NUTM1: variants seen among roughly 807,000 people sequenced by gnomAD.
NUTM1 encodes the protein NUT family member 1.
Under a neutral mutation model 88.7 loss-of-function variants are expected in NUTM1, and 39 were observed. That is an observed-to-expected ratio of 0.44 (90% CI 0.34 to 0.57). The LOEUF (loss-of-function observed/expected upper bound fraction) is 0.57. NUTM1 is among the 20% of genes least tolerant of loss of function. The probability of loss-of-function intolerance (pLI) is 0.01; values close to 1 mark genes in which losing one functional copy is unlikely to be tolerated. For missense variants in NUTM1, 1,350 were observed against 1,414.5 expected, an observed-to-expected ratio of 0.95 and a Z score of 0.73; for synonymous variants, 494 against 538.0, an observed-to-expected ratio of 0.92 and a Z score of 1.13.
intron 2 of NUTM1, among the ~76,000 whole-genome samples, chr15:34,347,009 C>G (rs150794292): frequency 5.6e-4 from 84 of 149,100 alleles, no homozygotes; most frequent in African/African-American, 2.0e-3. Context: ...TGCAGTCATT[C>G]TCAACGAGAA....
chr15:34,348,973 A>C (rs1219913959), intron 3 of NUTM1, among the ~76,000 whole-genome samples: 2 of 152,194 alleles, frequency 1.3e-5, no homozygotes, highest in African/African-American at 4.8e-5. Context: ...ACCAAGGACC[A>C]GTGATTGGAA....
chr15:34,350,827 A>T lies in NUTM1; in HGVS notation c.933A>T (p.Ala311=). ...ACCGGATGATCTTTTATGAGATGGC[A>T]GAAAGGTGAGTTCGATGAACCTTCA... The part of the protein sequence containing the change: ...NFDRMIFYEM[A]ERFMEFEAEE... Residue 311 remains alanine, a synonymous_variant, in exon 4 of 8, where the codon GCA becomes GCT. Transcript: ENST00000537011. 6.2e-7 allele frequency: 1 copy of T among 1,614,140 alleles called. No homozygotes were observed. Among genetic ancestry groups the T allele is most frequent in the Non-Finnish European group, 8.5e-7 (1 of 1,179,998 alleles).
In NUTM1 at chr15:34,356,402, G is replaced by C. The variant is rs1373518037; in HGVS notation, c.2394G>C (p.Leu798=). 2 of 1,611,472 alleles carry C rather than the reference G, an allele frequency of 1.2e-6. No homozygotes were observed. The highest frequency in any genetic ancestry group is 2.7e-5 in the African/African-American group (2 of 74,784). ...TGGGCTCCAGGGGCAACATTTCCCT[G>C]GGTCCTGGAGAAACCCTAGTACCTG... The part of the protein sequence containing the change: ...QGLGSRGNIS[L]GPGETLVPGD... Residue 798 remains leucine, a synonymous_variant, in exon 8 of 8, where the codon CTG becomes CTC. Coordinates refer to ENST00000537011, the MANE Select transcript of NUTM1 (RefSeq NM_001284292.2).
chr15:34,348,238 G>C lies in NUTM1; in HGVS notation c.370G>C (p.Gly124Arg). The C allele has an allele frequency of 6.2e-7, 1 of 1,614,224 alleles. No homozygotes were observed. The highest frequency in any genetic ancestry group is 2.2e-5 in the East Asian group (1 of 44,888). ...GGTCATTGTCAAAGTCAAGACAGAA[G>C]GGGGGTCAGCTGAGCCCTCTCAAAC... ...GKVIVKVKTE[G>R]GSAEPSQTQN... Residue 124 changes from glycine (G) to arginine (R), a missense_variant, in exon 3 of 8, where the codon GGG becomes CGG. Gly to Arg is a moderately radical substitution (Grantham distance 125). Coordinates refer to ENST00000537011, the MANE Select transcript of NUTM1 (RefSeq NM_001284292.2).
Position 34,355,621 on chromosome 15 carries a change from C to A in NUTM1, c.1613C>A (p.Pro538His). Residue 538 changes from proline (P) to histidine (H), a missense_variant, in exon 8 of 8, where the codon CCC becomes CAC. Pro to His is a moderately conservative substitution (Grantham distance 77). Coordinates refer to ENST00000537011, the MANE Select transcript of NUTM1 (RefSeq NM_001284292.2). The surrounding 1 kb of genome is among the most constrained non-coding windows in gnomAD (Gnocchi z 4.3). ...EDEDGDGRLR[P>H]SPGLQGAGGA... Reference sequence around the variant, plus strand: ...GAAGATGGGGATGGGCGGCTTCGGCCCTCACCTGGGCTTCAGGGGGCTGGG... The same window carrying A: ...GAAGATGGGGATGGGCGGCTTCGGCACTCACCTGGGCTTCAGGGGGCTGGG... The A allele has an allele frequency of 6.2e-7, 1 of 1,613,150 alleles. No homozygotes were observed. The highest frequency in any genetic ancestry group is 1.1e-5 in the South Asian group (1 of 90,952).
At chr15:34,344,446 T>A (rs559297635) in intron 1 of NUTM1, among the ~76,000 whole-genome samples, 1 of 136,136 alleles carries the variant, frequency 7.3e-6, no homozygotes, top group African/African-American at 2.9e-5. Context: ...GAGGTTGCAG[T>A]GAGCCAAGAT....
At chr15:34,350,974 T>G (rs1890695649) in intron 4 of NUTM1, 142 bp downstream of exon 4, 1 of 1,043,436 alleles carries the variant, frequency 9.6e-7, no homozygotes, top group African/African-American at 1.6e-5. Flanking sequence ...ATCCCACCAC[T>G]TTGGGAGGCC....
intron 1 of NUTM1, 30 bp from the exon 2 acceptor site, chr15:34,345,912 C>T (rs768833325): frequency 1.2e-6 from 2 of 1,612,948 alleles, no homozygotes; most frequent in Non-Finnish European, 1.7e-6. Context: ...CCTTCCCTTC[C>T]TTGGATCCCT....
Position 34,356,698 on chromosome 15 carries a change from T to C in NUTM1, c.2690T>C (p.Met897Thr), listed in dbSNP as rs377208485. 3.9e-5 allele frequency: 63 copies of C among 1,613,474 alleles called. No homozygotes were observed. The highest frequency in any genetic ancestry group is 5.1e-5 in the Non-Finnish European group (60 of 1,179,932). ...PPTCQGNLLIMGTEDASSLPE... is the reference protein window; with the variant it reads ...PPTCQGNLLITGTEDASSLPE... ...ACATGCCAAGGCAATCTCCTTATCATGGGGACTGAGGATGCCTCCTCCTTG... is the reference window on the plus strand; with the variant it reads ...ACATGCCAAGGCAATCTCCTTATCACGGGGACTGAGGATGCCTCCTCCTTG... The change falls in exon 8 of 8, where the codon ATG becomes ACG. Residue 897 changes from methionine to threonine, a missense_variant. Physicochemically the swap from Met to Thr is moderately conservative, Grantham distance 81. Around this residue, in one of 5 missense-constraint regions of NUTM1, gnomAD observed 730 missense variants for 728.8 expected, o/e 1.00. Coordinates refer to ENST00000537011, the MANE Select transcript of NUTM1 (RefSeq NM_001284292.2).
At chr15:34,352,118 C>T (rs1245676747) in intron 4 of NUTM1, among the ~76,000 whole-genome samples, 4 of 152,062 alleles carry the variant, frequency 2.6e-5, no homozygotes, top group African/African-American at 7.2e-5. Flanking sequence ...TGCGGTGAGC[C>T]GAGATTGTGC....
chr15:34,352,731 G>C (rs542183668), intron 4 of NUTM1, among the ~76,000 whole-genome samples: 1 of 150,214 alleles, frequency 6.7e-6, no homozygotes, highest in African/African-American at 2.4e-5. Context: ...ACTTGAACCC[G>C]GGAGGCAGAG....
In NUTM1 at chr15:34,351,897, G is replaced by A. The variant is rs913383681; in HGVS notation, c.938+1065G>A. On this transcript the variant is annotated intron_variant, in intron 4 of 7. Coordinates refer to ENST00000537011, the MANE Select transcript of NUTM1 (RefSeq NM_001284292.2). ...TAAAAAAAAAAAAAAAAGGCTAGGC[G>A]TGGTGGCTCCGCCTGTAATCCCAGC... Among the ~76,000 whole-genome samples the A allele has an allele frequency of 1.6e-4, 23 of 145,702 alleles. 1 individual carries two copies. Among genetic ancestry groups the A allele is most frequent in the Middle Eastern group, 3.7e-3 (1 of 272 alleles).
Position 34,357,587 on chromosome 15 carries a change from A to G in NUTM1, c.*96A>G, listed in dbSNP as rs1448577729. 6.2e-7 allele frequency: 1 copy of G among 1,600,256 alleles called. No homozygotes were observed. The highest frequency in any genetic ancestry group is 8.5e-7 in the Non-Finnish European group (1 of 1,177,574). ...TGCTGCCCACCAATGGAGAATCCCA[A>G]TGTTGAATCTCATCCCAATGTTGTT... On this transcript the variant is annotated 3_prime_UTR_variant, in exon 8 of 8. Transcript: ENST00000537011.
chr15:34,344,596 G>T (rs183604746), intron 1 of NUTM1, among the ~76,000 whole-genome samples: 1 of 152,030 alleles, frequency 6.6e-6, no homozygotes, highest in East Asian at 1.9e-4. Context: ...AGATGATACT[G>T]GTTTCCTCTG....
rs747104257 is a variant in NUTM1, at chr15:34,355,786, T to C, written c.1778T>C (p.Leu593Pro). The change falls in exon 8 of 8, where the codon CTG becomes CCG. Residue 593 changes from leucine to proline, a missense_variant. Around this residue, in one of 5 missense-constraint regions of NUTM1, gnomAD observed 730 missense variants for 728.8 expected, o/e 1.00. Transcript: ENST00000537011. The surrounding 1 kb of genome is among the most constrained non-coding windows in gnomAD (Gnocchi z 4.3). ...CTGCCATCCCCCAGCAGCTGGGACC[T>C]GCAGCCAGAACTTGCAGCTCCACAG... ...NTLPSPSSWDLQPELAAPQGT... is the reference protein window; with the variant it reads ...NTLPSPSSWDPQPELAAPQGT... 1.9e-6 allele frequency: 3 copies of C among 1,614,218 alleles called. No homozygotes were observed. Among genetic ancestry groups the C allele is most frequent in the Non-Finnish European group, 2.5e-6 (3 of 1,180,046 alleles).
At chr15:34,353,458 G>A (rs1352803757) in intron 4 of NUTM1, among the ~76,000 whole-genome samples, 4 of 152,208 alleles carry the variant, frequency 2.6e-5, no homozygotes, top group Non-Finnish European at 5.9e-5. Context: ...GCCTCCCAAA[G>A]TGTTGGGTTT....
chr15:34,351,181 T>G (rs1457211048), intron 4 of NUTM1, among the ~76,000 whole-genome samples: 1 of 120,070 alleles, frequency 8.3e-6, no homozygotes, highest in Admixed American at 1.2e-4. Context: ...TGAGCCAAGA[T>G]CATGCCTCTG....
Position 34,357,668 on chromosome 15 carries a change from CA to C in NUTM1, c.*178del, listed in dbSNP as rs1415492357. On this transcript the variant is annotated 3_prime_UTR_variant, in exon 8 of 8. Transcript: ENST00000537011. ...GAGAGAGGTCAGACTGGCTAGGCTG[CA>C]GGGGGAATTACCTTTGGAAGGAGCT... is the stretch of plus-strand genomic sequence containing the variant. 79 of 1,160,534 alleles carry C rather than the reference CA, an allele frequency of 6.8e-5. No individual in the cohort carries two copies. In the African/African-American group the frequency reaches 1.1e-3, roughly 16 times the overall value. 71.9% of individuals were successfully genotyped at this position (1,160,534 alleles called of 1,614,324 possible).
rs772376348 is a variant in NUTM1, at chr15:34,355,953, C to A, written c.1945C>A (p.Pro649Thr). 52 of 1,614,020 alleles carry A rather than the reference C, an allele frequency of 3.2e-5. No homozygotes were observed. In the South Asian group the frequency reaches 5.3e-4, roughly 16 times the overall value. Reference sequence around the variant, plus strand: ...GGCTGATAGGACTTCAGAGGCTCTGCCCCTTTGTTGGCAGGGAGGCTTCCA... The same window carrying A: ...GGCTGATAGGACTTCAGAGGCTCTGACCCTTTGTTGGCAGGGAGGCTTCCA... ...LVADRTSEALPLCWQGGFQPE... is the reference protein window; with the variant it reads ...LVADRTSEALTLCWQGGFQPE... The change falls in exon 8 of 8, where the codon CCC becomes ACC. Residue 649 changes from proline to threonine, a missense_variant. By Grantham distance (38) the Pro-to-Thr change is conservative (BLOSUM62 -1). Coordinates refer to ENST00000537011, the MANE Select transcript of NUTM1 (RefSeq NM_001284292.2). This position sits in a 1 kb window ranked among gnomAD's most constrained non-coding sequence, Gnocchi z 4.3.
Sources: allele counts gnomAD v4.1 joint callset (sites outside exome capture counted in the v4.1 genomes callset), GRCh38; gene constraint gnomAD v4.1.1; regional missense constraint gnomAD v4.1.1; non-coding constraint Gnocchi (gnomAD v3.1); transcripts MANE v1.5; gene names NCBI Gene and HGNC (gene_info 2026-07-23, HGNC 2026-07-21).